The following FILIP1 variants were observed in gnomAD, a reference collection of about 807,000 sequenced individuals.
FILIP1 encodes filamin-A-interacting protein 1.
In FILIP1, 61 loss-of-function variants were observed where a neutral mutation model predicts 102.1. The observed-to-expected ratio is 0.60, with a 90% CI of 0.49 to 0.74. The LOEUF (loss-of-function observed/expected upper bound fraction) is 0.74, where lower values mean the gene tolerates loss of function less well. Among genes scored for constraint, FILIP1 ranks in the 30% least tolerant of loss-of-function variants. FILIP1 has a pLI of 0.00. For synonymous variants in FILIP1, 491 were observed against 526.9 expected, an observed-to-expected ratio of 0.93 and a Z score of 0.93; for missense variants, 1,314 against 1,441.2, an observed-to-expected ratio of 0.91 and a Z score of 1.43.
chr6:75,454,435 G>T lies in FILIP1; in HGVS notation c.-7+38979C>A, dbSNP rs140221372. Among the ~76,000 whole-genome samples, 9 of 152,240 alleles carry T rather than the reference G, an allele frequency of 5.9e-5. No individual in the cohort carries two copies. The East Asian group carries it at 1.7e-3, about 29-fold the overall frequency. On this transcript the variant is annotated intron_variant, in intron 1 of 5. Transcript: ENST00000237172. ...GGGATTAGATTGGGCCCACTTGGACGATTCAAAATAATCTCCTCATCTTAA... is the reference window on the plus strand; with the variant it reads ...GGGATTAGATTGGGCCCACTTGGACTATTCAAAATAATCTCCTCATCTTAA...
At chr6:75,351,560 C>G (rs747644044) in intron 4 of FILIP1, among the ~76,000 whole-genome samples, 1 of 152,066 alleles carries the variant, frequency 6.6e-6, no homozygotes, top group East Asian at 1.9e-4. Context: ...TTTACTTTAC[C>G]TTTGATATGT....
intron 1 of FILIP1, among the ~76,000 whole-genome samples, chr6:75,441,855 C>CA (rs1778258790): frequency 6.8e-6 from 1 of 147,190 alleles, no homozygotes; most frequent in African/African-American, 2.6e-5. Flanking sequence ...CCACCTCCCT[C>CA]CCGGACGGGG....
chr6:75,362,088 T>A (rs1343899970), intron 3 of FILIP1: 1 of 152,234 alleles, frequency 6.6e-6, no homozygotes, highest in African/African-American at 2.4e-5. Flanking sequence ...GTAAATTTTT[T>A]AATATAAAGT....
chr6:75,371,649 G>A (rs1775522896), intron 2 of FILIP1, among the ~76,000 whole-genome samples: 1 of 152,124 alleles, frequency 6.6e-6, no homozygotes, highest in Non-Finnish European at 1.5e-5. Flanking sequence ...ATGGAATAGA[G>A]AGCCCACAAA....
At chr6:75,429,738 A>T (rs1777759672) in intron 1 of FILIP1, among the ~76,000 whole-genome samples, 1 of 152,202 alleles carries the variant, frequency 6.6e-6, no homozygotes, top group Non-Finnish European at 1.5e-5. Context: ...CAGAAAGTGA[A>T]GAGAAGGTTC....
rs117971471 is a variant in FILIP1 at position 75,372,492 on chromosome 6, C to T, written c.277-9575G>A. Among the ~76,000 whole-genome samples the T allele has an allele frequency of 8.4e-3, 1,254 of 148,916 alleles. 35 individuals carry two copies. In the East Asian group the frequency reaches 0.11, roughly 13 times the overall value. ...TAGACATTTCTTCAAAGAAGATATA[C>T]AAGTGGCCAAAAAGCACATGAAAAG... On this transcript the variant is annotated intron_variant, in intron 2 of 5. Coordinates refer to ENST00000237172, the MANE Select transcript of FILIP1 (RefSeq NM_015687.5).
Position 75,312,956 on chromosome 6 carries a change from TTTGGTGATGGAATAATGGTTATTC to T in FILIP1, c.2852_2875del (p.Arg951_Pro958del). On this transcript the variant is annotated inframe_deletion, in exon 5 of 6. Coordinates refer to ENST00000237172, the MANE Select transcript of FILIP1 (RefSeq NM_015687.5). ...ACTTTTTTGTTTTTGAGGCATAACG[TTTGGTGATGGAATAATGGTTATTC>T]TTGGTTTCTGATTCCCTAAGGTAGG... 6.2e-7 allele frequency: 1 copy of T among 1,614,038 alleles called. No individual in the cohort carries two copies. Among genetic ancestry groups the T allele is most frequent in the Non-Finnish European group, 8.5e-7 (1 of 1,180,000 alleles).
chr6:75,328,176 G>T (rs968178326), intron 4 of FILIP1, among the ~76,000 whole-genome samples: 1 of 152,006 alleles, frequency 6.6e-6, no homozygotes, highest in Non-Finnish European at 1.5e-5. Context: ...TATTCAAACT[G>T]CTTTTTTAAA....
chr6:75,372,691 G>GAGAA (rs1775587337), intron 2 of FILIP1, among the ~76,000 whole-genome samples: 1 of 34,050 alleles, frequency 2.9e-5, no homozygotes, highest in South Asian at 9.6e-4. Context: ...GAAAGAGAAA[G>GAGAA]AAAGAGAAAG....
intron 4 of FILIP1, among the ~76,000 whole-genome samples, chr6:75,316,086 AATT>A (rs1773435855): frequency 6.6e-6 from 1 of 152,212 alleles, no homozygotes. Context: ...CAGCCACAGG[AATT>A]ATTGTTTCAC....
chr6:75,368,564 A>G (rs1004948583), intron 2 of FILIP1, among the ~76,000 whole-genome samples: 1 of 152,206 alleles, frequency 6.6e-6, no homozygotes, highest in Non-Finnish European at 1.5e-5. Context: ...ACTTGGGGCT[A>G]AGGACGTCAC....
intron 2 of FILIP1, among the ~76,000 whole-genome samples, chr6:75,407,432 T>C (rs902091251): frequency 1.3e-5 from 2 of 152,148 alleles, no homozygotes; most frequent in African/African-American, 2.4e-5. Flanking sequence ...TTCACCATGT[T>C]AGCCAGGATG....
At chr6:75,409,712 T>A (rs1776991311) in intron 2 of FILIP1, among the ~76,000 whole-genome samples, 1 of 152,146 alleles carries the variant, frequency 6.6e-6, no homozygotes, top group African/African-American at 2.4e-5. Flanking sequence ...ACTTCTCCAA[T>A]TGCTCCTATA....
intron 4 of FILIP1, among the ~76,000 whole-genome samples, chr6:75,348,961 T>C (rs1774691004): frequency 6.6e-6 from 1 of 152,116 alleles, no homozygotes; most frequent in African/African-American, 2.4e-5. Flanking sequence ...GAGGGTGGGG[T>C]GGGGAACCTA....
rs111373979 is a variant in FILIP1, at chr6:75,408,336, T to C, written c.276+6361A>G. The stretch of plus-strand genomic sequence containing the variant: ...TTCAAGACAAGGGTCACATTACTGG[T>C]TCTAGACAAGACTCCCTAAAATGCA... On this transcript the variant is annotated intron_variant, in intron 2 of 5. Transcript: ENST00000237172. Among the ~76,000 whole-genome samples the C allele has an allele frequency of 7.1e-4, 108 of 152,286 alleles. 1 individual carries two copies. The highest frequency in any genetic ancestry group is 2.5e-3 in the African/African-American group (102 of 41,566).
chr6:75,316,604 T>A (rs1244533028), intron 4 of FILIP1, among the ~76,000 whole-genome samples: 1 of 152,178 alleles, frequency 6.6e-6, no homozygotes, highest in Non-Finnish European at 1.5e-5. Context: ...GTGAGATAAG[T>A]ATTACAGAAA....
intron 6 of FILIP1, among the ~76,000 whole-genome samples, chr6:75,298,785 G>C (rs1232312476): frequency 6.6e-6 from 1 of 152,014 alleles, no homozygotes; most frequent in African/African-American, 2.4e-5. Context: ...GGGCGTGGTG[G>C]TGTGCACCTG....
chr6:75,474,946 C>T (rs1779431529), intron 1 of FILIP1, among the ~76,000 whole-genome samples: 1 of 152,026 alleles, frequency 6.6e-6, no homozygotes, highest in African/African-American at 2.4e-5. Context: ...CCTGCTCTGG[C>T]CATGTGACAT....
At chr6:75,293,521 A>G (rs1279825471) in exon 7 of FILIP1, 1 of 152,214 alleles carries the variant, frequency 6.6e-6, no homozygotes, top group Non-Finnish European at 1.5e-5. Flanking sequence ...CAGAGGACTT[A>G]ATCATAGCAT....
Sources: allele counts gnomAD v4.1 joint callset (sites outside exome capture counted in the v4.1 genomes callset), GRCh38; gene constraint gnomAD v4.1.1; transcripts MANE v1.5; gene names NCBI Gene and HGNC (gene_info 2026-07-23, HGNC 2026-07-21).